Variants in FAM162B observed in about 807,000 individuals in gnomAD.
The protein encoded by FAM162B is protein FAM162B.
A neutral mutation model predicts 20.0 loss-of-function variants in FAM162B; 16 were observed. That is an observed-to-expected ratio of 0.80 (90% CI 0.54 to 1.21). FAM162B has a LOEUF of 1.21. FAM162B is among the 50% of genes most tolerant of loss of function. The pLI is 0.00. For missense variants in FAM162B, 260 were observed against 227.5 expected (o/e 1.14, Z -0.92); for synonymous variants, 83 against 89.7 (o/e 0.93, Z 0.42).
At chr6:116,765,016 G>A in intron 2 of FAM162B, 131 bp downstream of exon 2, 1 of 757,762 alleles carries the variant, frequency 1.3e-6, no homozygotes. Context: ...TCCGTGTGTG[G>A]TGGGTGATAT....
At chr6:116,755,740 A>AGG (rs1780044342) in intron 3 of FAM162B, among the ~76,000 whole-genome samples, 1 of 152,172 alleles carries the variant, frequency 6.6e-6, no homozygotes, top group Admixed American at 6.5e-5. Context: ...TGATGACTTT[A>AGG]AGTGGAAGCC....
rs1771895340 is a variant in FAM162B, at chr6:116,765,501, CGA to C, written c.74_75del (p.Leu25ArgfsTer111). 1 of 1,401,802 alleles carries C rather than the reference CGA, an allele frequency of 7.1e-7. No individual in the cohort carries two copies. 86.8% of individuals were successfully genotyped at this position (1,401,802 alleles called of 1,614,324 possible). A position where few individuals can be genotyped will look rare whatever the true frequency, so the allele number is the denominator to read the frequency against. ...GCCGGTGCGGGCCGTCGCGTGGCCTCGAGAGGCGCCCCGGGGCCGCAGCGGAC... is the reference window on the plus strand; with the variant it reads ...GCCGGTGCGGGCCGTCGCGTGGCCTCGAGGCGCCCCGGGGCCGCAGCGGAC... ...LTVRCGPGAP[L>X]EATRRPAPAL... On this transcript the variant is annotated frameshift_variant, in exon 1 of 4. Coordinates refer to ENST00000368557, the MANE Select transcript of FAM162B (RefSeq NM_001085480.3). LOFTEE classifies it high-confidence loss of function.
At chr6:116,755,865 G>T (rs768741884) in intron 3 of FAM162B, among the ~76,000 whole-genome samples, 2 of 152,072 alleles carry the variant, frequency 1.3e-5, no homozygotes, top group Admixed American at 6.5e-5. Context: ...TGCTTACATG[G>T]CTTTCTGAAT....
chr6:116,759,316 T>A (rs1483953863), intron 3 of FAM162B, among the ~76,000 whole-genome samples: 2 of 149,278 alleles, frequency 1.3e-5, no homozygotes, highest in East Asian at 1.9e-4. Context: ...TTTTTTTTTT[T>A]ATTTTTTGAG....
rs921667859 is a variant in FAM162B at position 116,765,513 on chromosome 6, C to T, written c.64G>A (p.Gly22Arg). 2.1e-6 allele frequency: 3 copies of T among 1,397,578 alleles called. No individual in the cohort carries two copies. The highest frequency in any genetic ancestry group is 2.8e-6 in the Non-Finnish European group (3 of 1,083,246). The allele number at this position is 1,397,578 out of a possible 1,614,324, so 86.6% of individuals were successfully genotyped here. A position where few individuals can be genotyped will look rare whatever the true frequency, so the allele number is the denominator to read the frequency against. Residue 22 changes from glycine (G) to arginine (R), a missense_variant, in exon 1 of 4, where the codon GGG (glycine) becomes AGG (arginine). Gly to Arg is a moderately radical substitution (Grantham distance 125). Coordinates refer to ENST00000368557, the MANE Select transcript of FAM162B (RefSeq NM_001085480.3). ...GRGLTVRCGP[G>R]APLEATRRPA... The stretch of plus-strand genomic sequence containing the variant: ...CGTCGCGTGGCCTCGAGAGGCGCCC[C>T]GGGGCCGCAGCGGACTGTTAGCCCG...
intron 3 of FAM162B, 23 bp from the exon 4 acceptor site, chr6:116,752,718 A>ATATATATATATATATAGATACACG: frequency 1.7e-6 from 1 of 577,514 alleles, no homozygotes; most frequent in Admixed American, 3.4e-5. Context: ...AGAAATATAT[A>ATATATATATATATATAGATACACG]TATATATATA....
intron 3 of FAM162B, among the ~76,000 whole-genome samples, chr6:116,759,701 A>G (rs578094798): frequency 4.2e-4 from 64 of 152,264 alleles, no homozygotes; most frequent in Non-Finnish European, 8.7e-4. Flanking sequence ...TGGATCCCCA[A>G]TGTATTTTTA....
chr6:116,762,141 G>A, intron 2 of FAM162B, 56 bp from the exon 3 acceptor site: 1 of 1,381,764 alleles, frequency 7.2e-7, no homozygotes, highest in Non-Finnish European at 9.8e-7. Flanking sequence ...TTTTCTGACA[G>A]GCATGATAGA....
chr6:116,755,850 A>G (rs1780045349), intron 3 of FAM162B, among the ~76,000 whole-genome samples: 1 of 152,190 alleles, frequency 6.6e-6, no homozygotes, highest in African/African-American at 2.4e-5. Context: ...GGGTGACAGC[A>G]TATCTGCTTA....
intron 3 of FAM162B, 65 bp downstream of exon 3, chr6:116,761,912 A>T: frequency 8.4e-7 from 1 of 1,192,672 alleles, no homozygotes; most frequent in Non-Finnish European, 1.2e-6. Context: ...ATACTCTTTT[A>T]GGGAGGTACT....
At chr6:116,758,952 C>G (rs1780085820) in intron 3 of FAM162B, among the ~76,000 whole-genome samples, 1 of 152,094 alleles carries the variant, frequency 6.6e-6, no homozygotes. Context: ...TATTTTAGAG[C>G]TAGTCCTCCC....
chr6:116,765,146 C>T lies in FAM162B; in HGVS notation c.281+1G>A, dbSNP rs199926099. ...CTTCGCGCGGCGGTCGCCACACTTACGGGATCCGAGGCGGGATCTCCTCCA... is the reference window on the plus strand; with the variant it reads ...CTTCGCGCGGCGGTCGCCACACTTATGGGATCCGAGGCGGGATCTCCTCCA... On this transcript the variant is annotated splice_donor_variant, in intron 2 of 3. Transcript: ENST00000368557. LOFTEE classifies it high-confidence loss of function. 4.3e-6 allele frequency: 7 copies of T among 1,612,874 alleles called. No homozygotes were observed. The highest frequency in any genetic ancestry group is 5.1e-6 in the Non-Finnish European group (6 of 1,179,820).
intron 2 of FAM162B, among the ~76,000 whole-genome samples, chr6:116,762,691 T>C (rs1771817671): frequency 6.6e-6 from 1 of 152,108 alleles, no homozygotes; most frequent in African/African-American, 2.4e-5. Context: ...AGGAAAAAGA[T>C]AAAAGAGACC....
chr6:116,756,168 G>A (rs1224358912), intron 3 of FAM162B, among the ~76,000 whole-genome samples: 1 of 152,110 alleles, frequency 6.6e-6, no homozygotes, highest in Non-Finnish European at 1.5e-5. Context: ...CTTCTGGAAA[G>A]GAGTCACCAT....
intron 3 of FAM162B, among the ~76,000 whole-genome samples, chr6:116,753,731 TAGA>T (rs1309361333): frequency 2.0e-5 from 3 of 152,108 alleles, no homozygotes; most frequent in Admixed American, 1.3e-4. Flanking sequence ...CCTTGGAATA[TAGA>T]AGGTGTTTAA....
chr6:116,765,023 A>G, intron 2 of FAM162B, 124 bp downstream of exon 2: 1 of 793,278 alleles, frequency 1.3e-6, no homozygotes, highest in East Asian at 2.5e-5. Flanking sequence ...GTGGTGGGTG[A>G]TATTGCGAAG....
Position 116,752,699 on chromosome 6 carries a change from TGG to T in FAM162B, c.391-6_391-5del. 1 of 1,430,346 alleles carries T rather than the reference TGG, an allele frequency of 7.0e-7. No homozygotes were observed. Among genetic ancestry groups the T allele is most frequent in the Non-Finnish European group, 9.4e-7 (1 of 1,060,890 alleles). 88.6% of individuals were successfully genotyped at this position (1,430,346 alleles called of 1,614,324 possible). On this transcript the variant is annotated splice_polypyrimidine_tract_variant and splice_region_variant and intron_variant, in intron 3 of 3. Transcript: ENST00000368557. ...AGGATTCATGTCGTTCTACAGCCTGTGGGGGGGAAGAAATATATATATATATA... is the reference window on the plus strand; with the variant it reads ...AGGATTCATGTCGTTCTACAGCCTGTGGGGGAAGAAATATATATATATATA...
intron 3 of FAM162B, among the ~76,000 whole-genome samples, chr6:116,760,168 T>C (rs1172303265): frequency 1.3e-5 from 2 of 152,218 alleles, no homozygotes; most frequent in African/African-American, 4.8e-5. Flanking sequence ...GTATTAATGA[T>C]TTAAAATCAG....
chr6:116,765,252 T>TC lies in FAM162B; in HGVS notation c.175dup (p.Glu59GlyfsTer78), dbSNP rs769144951. 6 of 1,612,966 alleles carry TC rather than the reference T, an allele frequency of 3.7e-6. No homozygotes were observed. Among genetic ancestry groups the TC allele is most frequent in the Admixed American group, 1.7e-5 (1 of 59,956 alleles). On this transcript the variant is annotated frameshift_variant, in exon 2 of 4. Coordinates refer to ENST00000368557, the MANE Select transcript of FAM162B (RefSeq NM_001085480.3). LOFTEE classifies it high-confidence loss of function. ...GCGCTGCGTGGGGACTCGGTGAATC[T>TC]CCCCTGCAGCGAAAGCAACCCAGAT...
Sources: gnomAD v4.1 joint callset for allele counts (sites outside exome capture counted in the v4.1 genomes callset) on GRCh38, gnomAD v4.1.1 for gene constraint, MANE v1.5 for transcripts, NCBI Gene and HGNC (gene_info 2026-07-23, HGNC 2026-07-21) for gene names.